The following FLNC variants were observed in gnomAD, a reference collection of about 807,000 sequenced individuals.
FLNC encodes filamin-C.
FLNC carries 91 observed loss-of-function variants against 254.3 expected under a neutral mutation model. The ratio of observed to expected loss-of-function variants is 0.36; its 90% CI spans 0.30 to 0.43. The LOEUF is 0.43. Among genes scored for constraint, FLNC ranks in the 20% least tolerant of loss-of-function variants. The probability of loss-of-function intolerance (pLI) is 1.00; values close to 1 mark genes in which losing one functional copy is unlikely to be tolerated. For synonymous variants in FLNC, 1,430 were observed against 1,577.2 expected (o/e 0.91, Z 2.21); for missense variants, 2,853 against 3,802.6 (o/e 0.75, Z 6.57).
Position 128,830,963 on chromosome 7 carries a change from G to A in FLNC, c.326G>A (p.Arg109His), listed in dbSNP as rs751493542. The A allele has an allele frequency of 6.2e-7, 1 of 1,609,824 alleles. No homozygotes were observed. The highest frequency in any genetic ancestry group is 1.7e-5 in the Admixed American group (1 of 60,018). ...NVSVALEFLEREHIKLVSIDS... is the reference protein window; with the variant it reads ...NVSVALEFLEHEHIKLVSIDS... ...TCCGTGGCCCTCGAGTTCCTCGAGC[G>A]CGAGCACATCAAGCTCGTGTCCATA... The change falls in exon 1 of 48, where the codon CGC (arginine) becomes CAC (histidine). Residue 109 changes from arginine (R) to histidine (H), a missense_variant. Physicochemically the swap from Arg to His is conservative, Grantham distance 29. Around this residue, in one of 10 missense-constraint regions of FLNC, gnomAD observed 115 missense variants for 230.3 expected, o/e 0.50. Transcript: ENST00000325888.
chr7:128,842,134 T>A lies in FLNC; in HGVS notation c.2122-97T>A, dbSNP rs1230296484. Reference sequence around the variant, plus strand: ...TGGTGTGGGGGCGGGAGTGCCAGTGTTGGGGGTGGGAAAGGAGGCGCTGGG... The same window carrying A: ...TGGTGTGGGGGCGGGAGTGCCAGTGATGGGGGTGGGAAAGGAGGCGCTGGG... On this transcript the variant is annotated intron_variant, in intron 13 of 47. Coordinates refer to ENST00000325888, the MANE Select transcript of FLNC (RefSeq NM_001458.5). The surrounding 1 kb of genome is among the most constrained non-coding windows in gnomAD (Gnocchi z 5.4). 1 of 1,289,750 alleles carries A rather than the reference T, an allele frequency of 7.8e-7. No homozygotes were observed. Among genetic ancestry groups the A allele is most frequent in the Non-Finnish European group, 1.1e-6 (1 of 913,088 alleles). 79.9% of individuals were successfully genotyped at this position (1,289,750 alleles called of 1,614,324 possible). A position where few individuals can be genotyped will look rare whatever the true frequency, so the allele number is the denominator to read the frequency against.
Position 128,835,588 on chromosome 7 carries a change from T to G in FLNC, c.601+14T>G. The G allele has an allele frequency of 6.8e-6, 11 of 1,612,378 alleles. No individual in the cohort carries two copies. The highest frequency in any genetic ancestry group is 9.3e-6 in the Non-Finnish European group (11 of 1,179,812). On this transcript the variant is annotated intron_variant, in intron 2 of 47. Coordinates refer to ENST00000325888, the MANE Select transcript of FLNC (RefSeq NM_001458.5). The surrounding 1 kb of genome is among the most constrained non-coding windows in gnomAD (Gnocchi z 5.3). ...ACTGCGCCCCCGGTGAGTGGGCCAGTGAGCACAGCATGGAGCCCTTAGCTC... is the reference window on the plus strand; with the variant it reads ...ACTGCGCCCCCGGTGAGTGGGCCAGGGAGCACAGCATGGAGCCCTTAGCTC...
rs535028908 is a variant in FLNC, at chr7:128,836,690, C to G, written c.602-470C>G. Among the ~76,000 whole-genome samples the G allele has an allele frequency of 7.2e-5, 11 of 152,294 alleles. No homozygotes were observed. The East Asian group carries it at 1.7e-3, about 24-fold the overall frequency. ...GAATAGGGAGTCTCATACCCTAAGA[C>G]TGGTGTGGAAAGCGTTTGGAGTTCT... On this transcript the variant is annotated intron_variant, in intron 2 of 47. Coordinates refer to ENST00000325888, the MANE Select transcript of FLNC (RefSeq NM_001458.5). The surrounding 1 kb of genome is among the most constrained non-coding windows in gnomAD (Gnocchi z 6.0).
rs758271134 is a variant in FLNC, at chr7:128,858,482, G to A, written c.8137G>A (p.Glu2713Lys). The change falls in exon 48 of 48, where the codon GAA becomes AAA. Residue 2713 changes from glutamate (E) to lysine (K), a missense_variant. Transcript: ENST00000325888. The surrounding 1 kb of genome is among the most constrained non-coding windows in gnomAD (Gnocchi z 6.7). ...DYILIVKWGD[E>K]SVPGSPFKVK... ...CATCCTCATTGTCAAGTGGGGTGACGAAAGTGTCCCTGGAAGCCCCTTCAA... is the reference window on the plus strand; with the variant it reads ...CATCCTCATTGTCAAGTGGGGTGACAAAAGTGTCCCTGGAAGCCCCTTCAA... The A allele has an allele frequency of 4.3e-6, 7 of 1,613,674 alleles. No individual in the cohort carries two copies. Among genetic ancestry groups the A allele is most frequent in the South Asian group, 2.2e-5 (2 of 91,042 alleles).
chr7:128,846,948 G>T (rs777569544), intron 24 of FLNC, 43 bp downstream of exon 24: 1 of 1,610,064 alleles, frequency 6.2e-7, no homozygotes, highest in Admixed American at 1.7e-5. Context: ...AGACAAGGGA[G>T]GGTGCAGGAT....
rs1187923021 is a variant in FLNC, at chr7:128,857,207, G to C, written c.7651G>C (p.Asp2551His). The stretch of plus-strand genomic sequence containing the variant: ...TGATGGCCCCTCCAAGGTGCAGCTG[G>C]ACTGTCGGGAGTGTCCTGAGGGCCA... ...TIDGPSKVQL[D>H]CRECPEGHVV... Residue 2551 changes from aspartate to histidine, a missense_variant, in exon 46 of 48, where the codon GAC becomes CAC. This residue lies in a region of FLNC where 197 missense variants were observed against 351.5 expected (regional missense o/e 0.56). Transcript: ENST00000325888. This position sits in a 1 kb window ranked among gnomAD's most constrained non-coding sequence, Gnocchi z 4.5. The C allele has an allele frequency of 3.7e-6, 6 of 1,614,016 alleles. No individual in the cohort carries two copies. Among genetic ancestry groups the C allele is most frequent in the African/African-American group, 1.3e-5 (1 of 74,912 alleles).
intron 8 of FLNC, 25 bp downstream of exon 8, chr7:128,838,828 C>A: frequency 6.2e-7 from 1 of 1,602,072 alleles, no homozygotes; most frequent in South Asian, 1.1e-5. Context: ...CTGCTCCCCA[C>A]GGTAGCCCTT....
Position 128,857,077 on chromosome 7 carries a change from A to G in FLNC, c.7562-41A>G. 6.2e-7 allele frequency: 1 copy of G among 1,601,598 alleles called. No individual in the cohort carries two copies. The highest frequency in any genetic ancestry group is 8.6e-7 in the Non-Finnish European group (1 of 1,169,110). ...TGGGGCCCAGTCCCTCTTGGGCCAC[A>G]AGCCCTTCCTGCCCTCAGCCTTGCT... is the stretch of plus-strand genomic sequence containing the variant. On this transcript the variant is annotated intron_variant, in intron 45 of 47. Transcript: ENST00000325888. The surrounding 1 kb of genome is among the most constrained non-coding windows in gnomAD (Gnocchi z 4.5).
At position 128,838,764 on chromosome 7, in the gene FLNC, C is replaced by A. The variant is rs369747694; in HGVS notation, c.1372C>A (p.Pro458Thr). The change falls in exon 8 of 48, where the codon CCC becomes ACC. Residue 458 changes from proline (P) to threonine (T), a missense_variant. Around this residue, in one of 10 missense-constraint regions of FLNC, gnomAD observed 1,573 missense variants for 1,883.5 expected, o/e 0.84. Coordinates refer to ENST00000325888, the MANE Select transcript of FLNC (RefSeq NM_001458.5). ...HTVHVAFAGA[P>T]ITRSPFPVHV... ...CGTGCATGTGGCCTTTGCGGGTGCC[C>A]CCATCACCCGCAGTCCCTTCCCTGT... 1.9e-6 allele frequency: 3 copies of A among 1,612,784 alleles called. No individual in the cohort carries two copies. In the Admixed American group the frequency reaches 5.0e-5, roughly 27 times the overall value.
At chr7:128,831,901 T>C (rs1470073991) in intron 1 of FLNC, among the ~76,000 whole-genome samples, 4 of 152,030 alleles carry the variant, frequency 2.6e-5, no homozygotes, top group Non-Finnish European at 4.4e-5. Flanking sequence ...AGTCCTGCAG[T>C]CATCCCTGAG....
In FLNC at chr7:128,838,061, C is replaced by T; in HGVS notation, c.1044C>T (p.His348=). 6.2e-7 allele frequency: 1 copy of T among 1,612,836 alleles called. No homozygotes were observed. The highest frequency in any genetic ancestry group is 8.5e-7 in the Non-Finnish European group (1 of 1,178,942). ...ATGTGCCCAAGGTCGCTGGGTTACACAAGGTATCTCCCTCTAGGCCCCCCT... is the reference window on the plus strand; with the variant it reads ...ATGTGCCCAAGGTCGCTGGGTTACATAAGGTATCTCCCTCTAGGCCCCCCT... The part of the protein sequence containing the change: ...VSYVPKVAGL[H]KVTVLFAGQN... Residue 348 remains histidine (H), a synonymous_variant, in exon 6 of 48, where the codon CAC becomes CAT. Transcript: ENST00000325888.
chr7:128,857,907 G>T lies in FLNC; in HGVS notation c.7781-101G>T. 1.2e-6 allele frequency: 1 copy of T among 835,338 alleles called. No individual in the cohort carries two copies. Among genetic ancestry groups the T allele is most frequent in the Non-Finnish European group, 2.0e-6 (1 of 496,156 alleles). 51.7% of individuals were successfully genotyped at this position (835,338 alleles called of 1,614,324 possible). On this transcript the variant is annotated intron_variant, in intron 46 of 47. Coordinates refer to ENST00000325888, the MANE Select transcript of FLNC (RefSeq NM_001458.5). This position sits in a 1 kb window ranked among gnomAD's most constrained non-coding sequence, Gnocchi z 4.5. ...TGAGGGGGAGCCTCAAATGCAGGCAGTGAGTCCCACAGGGTGGCAGTGCTG... is the reference window on the plus strand; with the variant it reads ...TGAGGGGGAGCCTCAAATGCAGGCATTGAGTCCCACAGGGTGGCAGTGCTG...
rs759644013 is a variant in FLNC, at chr7:128,845,055, G to A, written c.3590G>A (p.Gly1197Glu). Reference sequence around the variant, plus strand: ...ACCATTGAGATCCTGTCGGATGCCGGGGTCAAGGCCGAGGTGCTGATCCAC... The same window carrying A: ...ACCATTGAGATCCTGTCGGATGCCGAGGTCAAGGCCGAGGTGCTGATCCAC... ...ELTIEILSDA[G>E]VKAEVLIHNN... The change falls in exon 21 of 48, where the codon GGG (glycine) becomes GAG (glutamate). Residue 1197 changes from glycine (G) to glutamate (E), a missense_variant. By Grantham distance (98) the Gly-to-Glu change is moderately conservative. Around this residue, in one of 10 missense-constraint regions of FLNC, gnomAD observed 1,573 missense variants for 1,883.5 expected, o/e 0.84. Coordinates refer to ENST00000325888, the MANE Select transcript of FLNC (RefSeq NM_001458.5). 6.2e-7 allele frequency: 1 copy of A among 1,613,852 alleles called. No homozygotes were observed. Among genetic ancestry groups the A allele is most frequent in the South Asian group, 1.1e-5 (1 of 91,086 alleles).
chr7:128,854,202 C>T lies in FLNC; in HGVS notation c.6713C>T (p.Thr2238Ile), dbSNP rs1043618669. Reference protein sequence around the residue: ...RERLGSFGSITRQQEGEASSQ... With the variant: ...RERLGSFGSIIRQQEGEASSQ... ...CGCCTGGGATCCTTCGGCAGCATCA[C>T]CCGGCAGCAGGAGGGTGAGCACCGC... is the stretch of plus-strand genomic sequence containing the variant. The change falls in exon 40 of 48, where the codon ACC becomes ATC. Residue 2238 changes from threonine to isoleucine, a missense_variant. Physicochemically the swap from Thr to Ile is moderately conservative, Grantham distance 89 (BLOSUM62 -1). Transcript: ENST00000325888. The T allele has an allele frequency of 2.5e-6, 4 of 1,607,692 alleles. No individual in the cohort carries two copies. Among genetic ancestry groups the T allele is most frequent in the Non-Finnish European group, 3.4e-6 (4 of 1,177,550 alleles).
At chr7:128,855,894 G>A (rs575180374) in intron 43 of FLNC, among the ~76,000 whole-genome samples, 84 of 152,334 alleles carry the variant, frequency 5.5e-4, no homozygotes, top group African/African-American at 2.0e-3. Flanking sequence ...GGTGTCCAGG[G>A]GACACATTGT....
rs1389513529 is a variant in FLNC at position 128,844,077 on chromosome 7, G to A, written c.3003G>A (p.Val1001=). ...RGAGGQGQLD[V]RMTSPSRRPI... ...CTGGCGGTCAGGGCCAACTGGATGT[G>A]CGGATGACTTCGCCCTCTCGCCGGC... Residue 1001 remains valine (V), a synonymous_variant, in exon 20 of 48, where the codon GTG becomes GTA. Transcript: ENST00000325888. 1 of 1,614,018 alleles carries A rather than the reference G, an allele frequency of 6.2e-7. No homozygotes were observed. Among genetic ancestry groups the A allele is most frequent in the Non-Finnish European group, 8.5e-7 (1 of 1,180,040 alleles).
At position 128,842,561 on chromosome 7, in the gene FLNC, G is replaced by A. The variant is rs75612085; in HGVS notation, c.2266-14G>A. 6.5e-6 allele frequency: 10 copies of A among 1,548,574 alleles called. No individual in the cohort carries two copies. The highest frequency in any genetic ancestry group is 2.4e-5 in the East Asian group (1 of 40,920). ...GAGGGAGGGCACCACGCTGAGCTGC[G>A]ACCCCTCCCGCAGGTGAACGTGGGC... is the stretch of plus-strand genomic sequence containing the variant. On this transcript the variant is annotated splice_polypyrimidine_tract_variant and intron_variant, in intron 14 of 47. Transcript: ENST00000325888. This position sits in a 1 kb window ranked among gnomAD's most constrained non-coding sequence, Gnocchi z 5.4.
At chr7:128,849,725 A>C in intron 30 of FLNC, 147 bp downstream of exon 30, 2 of 1,116,666 alleles carry the variant, frequency 1.8e-6, no homozygotes, top group Non-Finnish European at 2.6e-6. Flanking sequence ...ATGGAGCCTT[A>C]ACTTTCCCCA....
In FLNC at chr7:128,843,329, T is replaced by C; in HGVS notation, c.2641+10T>C. ...GGGCTGAATCGCACAGGTGAGTGTC[T>C]GGGCAGGGGCTGGGACTGGCTCGAG... On this transcript the variant is annotated intron_variant, in intron 17 of 47. Transcript: ENST00000325888. The C allele has an allele frequency of 1.2e-6, 2 of 1,613,072 alleles. No homozygotes were observed. The highest frequency in any genetic ancestry group is 1.1e-5 in the South Asian group (1 of 90,894).
Sources: allele counts gnomAD v4.1 joint callset (sites outside exome capture counted in the v4.1 genomes callset), GRCh38; gene constraint gnomAD v4.1.1; regional missense constraint gnomAD v4.1.1; non-coding constraint Gnocchi (gnomAD v3.1); transcripts MANE v1.5; gene names NCBI Gene and HGNC (gene_info 2026-07-23, HGNC 2026-07-21).